Variants in LRRC7 observed in about 807,000 individuals in gnomAD.
LRRC7 encodes leucine rich repeat containing 7.
Under a neutral mutation model 175.7 loss-of-function variants are expected in LRRC7, and 23 were observed. The ratio of observed to expected loss-of-function variants is 0.13; its 90% CI spans 0.09 to 0.19. The LOEUF is 0.19. Among genes scored for constraint, LRRC7 ranks in the 10% least tolerant of loss-of-function variants. The pLI is 1.00. For synonymous variants in LRRC7, 685 were observed against 680.9 expected, an observed-to-expected ratio of 1.01 and a Z score of -0.09; for missense variants, 1,354 against 1,904.7, an observed-to-expected ratio of 0.71 and a Z score of 5.38.
intron 2 of LRRC7, among the ~76,000 whole-genome samples, chr1:69,749,196 T>C (rs1233643568): frequency 6.6e-6 from 1 of 152,192 alleles, no homozygotes; most frequent in Non-Finnish European, 1.5e-5. Context: ...AAAAGTACTA[T>C]AGTATAGTTT....
intron 25 of LRRC7, among the ~76,000 whole-genome samples, chr1:70,104,640 T>C (rs1382601861): frequency 6.6e-6 from 1 of 152,070 alleles, no homozygotes; most frequent in Non-Finnish European, 1.5e-5. Flanking sequence ...CATAAAACTT[T>C]CAGAAAAAAG....
chr1:69,709,629 G>T (rs2100728069), intron 2 of LRRC7, among the ~76,000 whole-genome samples: 1 of 152,194 alleles, frequency 6.6e-6, no homozygotes, highest in East Asian at 1.9e-4. Flanking sequence ...TATGAAAAGA[G>T]AATAAAGATA....
chr1:70,100,085 A>G (rs914485957), intron 25 of LRRC7, among the ~76,000 whole-genome samples: 8 of 152,170 alleles, frequency 5.3e-5, no homozygotes, highest in Admixed American at 5.2e-4. Context: ...CAATAGACAG[A>G]CATCCCAGAC....
At chr1:69,777,797 C>A (rs1374752651) in intron 3 of LRRC7, among the ~76,000 whole-genome samples, 2 of 152,206 alleles carry the variant, frequency 1.3e-5, no homozygotes, top group African/African-American at 4.8e-5. Flanking sequence ...CTTCATCTCA[C>A]AGCTGACTAA....
At chr1:70,118,092 C>CCCACACACACACACAT (rs779509103) in intron 26 of LRRC7, among the ~76,000 whole-genome samples, 88 of 150,764 alleles carry the variant, frequency 5.8e-4, no homozygotes, top group African/African-American at 2.0e-3. Flanking sequence ...CACACACACA[C>CCCACACACACACACAT]GCACACGAAC....
chr1:70,073,584 T>C (rs1356260555), intron 23 of LRRC7, among the ~76,000 whole-genome samples: 4 of 152,234 alleles, frequency 2.6e-5, no homozygotes, highest in Non-Finnish European at 5.9e-5. Flanking sequence ...TAAGCAGTTA[T>C]TAATTTTCTC....
chr1:69,688,538 C>T lies in LRRC7; in HGVS notation c.100+10060C>T, dbSNP rs191815742. On this transcript the variant is annotated intron_variant, in intron 2 of 26. Transcript: ENST00000651989. Reference sequence around the variant, plus strand: ...TCTGGGTGTCAGCTTTATTCTTGGGCTGGCATCGATGTTCTGCAGTTATGA... The same window carrying T: ...TCTGGGTGTCAGCTTTATTCTTGGGTTGGCATCGATGTTCTGCAGTTATGA... 7.2e-5 allele frequency among the ~76,000 whole-genome samples: 11 copies of T among 152,082 alleles called. No individual in the cohort carries two copies. The East Asian group carries it at 1.6e-3, about 21-fold the overall frequency.
At chr1:69,924,712 G>A (rs558406055) in intron 7 of LRRC7, among the ~76,000 whole-genome samples, 4 of 152,122 alleles carry the variant, frequency 2.6e-5, no homozygotes, top group Non-Finnish European at 5.9e-5. Flanking sequence ...GAGACAATGG[G>A]GTTTCCTAGA....
chr1:69,676,214 G>T (rs1659753379), intron 1 of LRRC7, among the ~76,000 whole-genome samples: 1 of 151,786 alleles, frequency 6.6e-6, no homozygotes, highest in African/African-American at 2.4e-5. Flanking sequence ...GCTTTTGTGG[G>T]ATGATCCTTT....
intron 11 of LRRC7, among the ~76,000 whole-genome samples, chr1:70,006,188 G>T (rs1369087609): frequency 6.6e-6 from 1 of 152,248 alleles, no homozygotes. Flanking sequence ...GCATCTGGAA[G>T]ATCTTTGTTG....
intron 7 of LRRC7, among the ~76,000 whole-genome samples, chr1:69,879,324 T>A (rs1686364953): frequency 6.7e-6 from 1 of 148,438 alleles, no homozygotes; most frequent in Non-Finnish European, 1.5e-5. Context: ...AAGTAGGAAA[T>A]CTGACAAAAA....
chr1:69,784,404 C>T (rs532877794), intron 3 of LRRC7, among the ~76,000 whole-genome samples: 13 of 152,106 alleles, frequency 8.5e-5, no homozygotes, highest in Admixed American at 1.3e-4. Context: ...ATATTACATA[C>T]GCTCTTGGGT....
intron 1 of LRRC7, among the ~76,000 whole-genome samples, chr1:69,663,627 A>G (rs976695334): frequency 1.0e-4 from 15 of 146,612 alleles, no homozygotes; most frequent in African/African-American, 3.8e-4. Flanking sequence ...CTCTTCCCCT[A>G]CACCCTCACT....
At chr1:69,880,631 G>C (rs1570471457) in intron 7 of LRRC7, among the ~76,000 whole-genome samples, 1 of 152,074 alleles carries the variant, frequency 6.6e-6, no homozygotes, top group Non-Finnish European at 1.5e-5. Context: ...GAGACCAGCT[G>C]CTGTAATCAT....
At chr1:70,015,067 T>C (rs539827664) in intron 13 of LRRC7, among the ~76,000 whole-genome samples, 1 of 152,220 alleles carries the variant, frequency 6.6e-6, no homozygotes, top group African/African-American at 2.4e-5. Flanking sequence ...CTTCACAATT[T>C]CTGGCTTAAG....
At chr1:69,853,429 C>A (rs1478993582) in intron 7 of LRRC7, among the ~76,000 whole-genome samples, 1 of 151,866 alleles carries the variant, frequency 6.6e-6, no homozygotes, top group East Asian at 1.9e-4. Context: ...CAGGCATGTG[C>A]CACCACACCC....
chr1:69,748,251 A>C (rs550510565), intron 2 of LRRC7, among the ~76,000 whole-genome samples: 116 of 152,322 alleles, frequency 7.6e-4, no homozygotes, highest in Non-Finnish European at 1.4e-3. Context: ...TGATTGAAGA[A>C]TGAGTATAAA....
intron 22 of LRRC7, among the ~76,000 whole-genome samples, chr1:70,051,268 A>T: frequency 6.6e-6 from 1 of 152,024 alleles, no homozygotes; most frequent in East Asian, 1.9e-4. Flanking sequence ...AAAAATCTAC[A>T]TTGCACAGAC....
chr1:69,593,085 T>G (rs1324185425), intron 1 of LRRC7, among the ~76,000 whole-genome samples: 1 of 152,112 alleles, frequency 6.6e-6, no homozygotes, highest in Non-Finnish European at 1.5e-5. Flanking sequence ...TAATATTTGT[T>G]TAATTCTGTA....
Sources: allele counts gnomAD v4.1 joint callset (sites outside exome capture counted in the v4.1 genomes callset), GRCh38; gene constraint gnomAD v4.1.1; transcripts MANE v1.5; gene names NCBI Gene and HGNC (gene_info 2026-07-23, HGNC 2026-07-21).